Variants in TMEM178B observed in about 807,000 individuals in gnomAD.
TMEM178B encodes transmembrane protein 178B.
In TMEM178B, 5 loss-of-function variants were observed where a neutral mutation model predicts 31.0. That is an observed-to-expected ratio of 0.16 (90% CI 0.08 to 0.34). TMEM178B has a LOEUF of 0.34. Ranked by LOEUF, TMEM178B falls within the 10% of genes least tolerant of loss-of-function variation. The pLI is 1.00. For missense variants in TMEM178B, 275 were observed against 400.3 expected (o/e 0.69, Z 2.67); for synonymous variants, 164 against 164.0 (o/e 1.00, Z 0.00).
intron 2 of TMEM178B, among the ~76,000 whole-genome samples, chr7:141,375,864 C>A (rs1320235803): frequency 1.3e-5 from 2 of 152,136 alleles, no homozygotes; most frequent in African/African-American, 4.8e-5. Context: ...ACAGAGAGGG[C>A]AAGCCTTGGG....
intron 2 of TMEM178B, among the ~76,000 whole-genome samples, chr7:141,253,594 A>C (rs916736548): frequency 9.0e-6 from 1 of 110,630 alleles, no homozygotes; most frequent in African/African-American, 3.4e-5. Flanking sequence ...CTTGTTGCCC[A>C]AGCTGGACTG....
intron 2 of TMEM178B, among the ~76,000 whole-genome samples, chr7:141,235,281 G>A (rs151056030): frequency 5.3e-5 from 8 of 152,294 alleles, no homozygotes; most frequent in African/African-American, 1.4e-4. Flanking sequence ...TGGTGTAGAA[G>A]ACTTGCTTGA....
rs185466415 is a variant in TMEM178B at position 141,077,616 on chromosome 7, A to T, written c.382+2924A>T. ...CATCACTGTGTATTCATTTGTTTGC[A>T]TTATTAAACTGTAAGTTCCTAGAGG... is the stretch of plus-strand genomic sequence containing the variant. On this transcript the variant is annotated intron_variant, in intron 1 of 3. Coordinates refer to ENST00000565468, the MANE Select transcript of TMEM178B (RefSeq NM_001195278.2). Among the ~76,000 whole-genome samples, 32 of 152,302 alleles carry T rather than the reference A, an allele frequency of 2.1e-4. No individual in the cohort carries two copies. The East Asian group carries it at 6.2e-3, about 29-fold the overall frequency.
chr7:141,164,612 A>G (rs967298420), intron 1 of TMEM178B, among the ~76,000 whole-genome samples: 3 of 152,236 alleles, frequency 2.0e-5, no homozygotes, highest in Admixed American at 6.5e-5. Context: ...TTTTTATATC[A>G]GTGATAGAAA....
intron 2 of TMEM178B, among the ~76,000 whole-genome samples, chr7:141,356,997 T>C (rs1157076212): frequency 6.6e-6 from 1 of 152,188 alleles, no homozygotes; most frequent in African/African-American, 2.4e-5. Context: ...GATTGCATTG[T>C]AATTTGTTTT....
At chr7:141,303,642 G>A (rs1037857833) in intron 2 of TMEM178B, among the ~76,000 whole-genome samples, 1 of 152,208 alleles carries the variant, frequency 6.6e-6, no homozygotes, top group Non-Finnish European at 1.5e-5. Flanking sequence ...GTGCAACCAG[G>A]TTTTGGTGGA....
intron 2 of TMEM178B, among the ~76,000 whole-genome samples, chr7:141,299,600 C>T (rs1798690449): frequency 6.6e-6 from 1 of 152,152 alleles, no homozygotes; most frequent in Admixed American, 6.5e-5. Context: ...TAACACCCTT[C>T]TCTAAGCGGG....
At chr7:141,092,488 T>C (rs1794896790) in intron 1 of TMEM178B, among the ~76,000 whole-genome samples, 1 of 152,054 alleles carries the variant, frequency 6.6e-6, no homozygotes, top group Non-Finnish European at 1.5e-5. Flanking sequence ...CTTTTTCCAG[T>C]GGGGTAACAA....
intron 2 of TMEM178B, among the ~76,000 whole-genome samples, chr7:141,219,886 C>CT (rs1448145274): frequency 6.6e-6 from 1 of 152,152 alleles, no homozygotes; most frequent in East Asian, 1.9e-4. Context: ...AACAGGCTTA[C>CT]TGATTTGATG....
intron 1 of TMEM178B, among the ~76,000 whole-genome samples, chr7:141,168,222 A>G (rs958866980): frequency 6.6e-6 from 1 of 152,166 alleles, no homozygotes; most frequent in Non-Finnish European, 1.5e-5. Flanking sequence ...CTGATATTTC[A>G]TGCCTTTGAC....
intron 2 of TMEM178B, among the ~76,000 whole-genome samples, chr7:141,275,381 A>G (rs1350849808): frequency 6.6e-6 from 1 of 152,238 alleles, no homozygotes; most frequent in African/African-American, 2.4e-5. Flanking sequence ...ACAACGGGGT[A>G]TCCAGATGAC....
intron 1 of TMEM178B, among the ~76,000 whole-genome samples, chr7:141,141,739 C>G (rs753248705): frequency 4.6e-5 from 7 of 151,978 alleles, no homozygotes; most frequent in Admixed American, 2.6e-4. Context: ...TGAATTAATG[C>G]CCAAGTTTAA....
chr7:141,510,712 AG>A, the TMEM178B span, among the ~76,000 whole-genome samples: 64 of 131,416 alleles, frequency 4.9e-4, no homozygotes, highest in Middle Eastern at 3.6e-3. Context: ...AAAAAAAAAA[AG>A]AAAAAAAAAG....
chr7:141,342,728 G>GT (rs1799535861), intron 2 of TMEM178B, among the ~76,000 whole-genome samples: 1 of 152,192 alleles, frequency 6.6e-6, no homozygotes, highest in Non-Finnish European at 1.5e-5. Flanking sequence ...AATCATTCCT[G>GT]TTTTTTGTTC....
the TMEM178B span, among the ~76,000 whole-genome samples, chr7:141,493,701 C>T: frequency 6.6e-6 from 1 of 152,336 alleles, no homozygotes; most frequent in Middle Eastern, 3.4e-3. Context: ...GCAATGGTCT[C>T]TTTTTTTCAT....
At chr7:141,161,124 G>A (rs1234894230) in intron 1 of TMEM178B, among the ~76,000 whole-genome samples, 1 of 152,132 alleles carries the variant, frequency 6.6e-6, no homozygotes, top group Non-Finnish European at 1.5e-5. Context: ...CAAAGTGCTG[G>A]GATTACAGGC....
chr7:141,079,665 C>T (rs533813682), intron 1 of TMEM178B, among the ~76,000 whole-genome samples: 1 of 152,286 alleles, frequency 6.6e-6, no homozygotes, highest in Admixed American at 6.5e-5. Context: ...CCCTTCTTCC[C>T]TCCTGCCCTC....
chr7:141,364,517 G>A (rs550662770), intron 2 of TMEM178B, among the ~76,000 whole-genome samples: 8 of 151,976 alleles, frequency 5.3e-5, no homozygotes, highest in African/African-American at 1.2e-4. Context: ...AAAATTAGCC[G>A]GGCATGGTGG....
At chr7:141,152,684 G>C (rs1037263276) in intron 1 of TMEM178B, among the ~76,000 whole-genome samples, 2 of 152,188 alleles carry the variant, frequency 1.3e-5, no homozygotes, top group African/African-American at 4.8e-5. Context: ...GGTTCAGTGG[G>C]GGGCCTCCAA....
Sources: gnomAD v4.1 joint callset for allele counts (sites outside exome capture counted in the v4.1 genomes callset) on GRCh38, gnomAD v4.1.1 for gene constraint, MANE v1.5 for transcripts, NCBI Gene and HGNC (gene_info 2026-07-23, HGNC 2026-07-21) for gene names.